KIF13A: variants seen among roughly 807,000 people sequenced by gnomAD.
KIF13A encodes the protein kinesin family member 13A.
KIF13A carries 79 observed loss-of-function variants against 212.2 expected under a neutral mutation model. That is an observed-to-expected ratio of 0.37 (90% confidence interval 0.31 to 0.45). The LOEUF (loss-of-function observed/expected upper bound fraction) is 0.45. Ranked by LOEUF, KIF13A falls within the 20% of genes least tolerant of loss-of-function variation. KIF13A has a pLI of 1.00. For synonymous variants in KIF13A, 789 were observed against 808.6 expected, an observed-to-expected ratio of 0.98 and a Z score of 0.41; for missense variants, 1,901 against 2,209.0, an observed-to-expected ratio of 0.86 and a Z score of 2.79.
At position 17,872,246 on chromosome 6, in the gene KIF13A, A is replaced by G. The variant is rs1770081300; in HGVS notation, c.220+1131T>C. 6.6e-6 allele frequency among the ~76,000 whole-genome samples: 1 copy of G among 152,224 alleles called. No individual in the cohort carries two copies. Among genetic ancestry groups the G allele is most frequent in the African/African-American group, 2.4e-5 (1 of 41,456 alleles). Reference sequence around the variant, plus strand: ...ATGGCAAGGAAAAACCTATCAATAAACAAAACATTAATTTTCTTTAAACTA... The same window carrying G: ...ATGGCAAGGAAAAACCTATCAATAAGCAAAACATTAATTTTCTTTAAACTA... On this transcript the variant is annotated intron_variant, in intron 4 of 38. Transcript: ENST00000259711. This position sits in a 1 kb window ranked among gnomAD's most constrained non-coding sequence, Gnocchi z 4.7.
chr6:17,770,157 T>C lies in KIF13A; in HGVS notation c.4581+957A>G, dbSNP rs1307592455. On this transcript the variant is annotated intron_variant, in intron 38 of 38. Transcript: ENST00000259711. ...AAAGGATCCCACACTAATGAGGGAATTGGGAATGGGTCTGACATGGTGTCG... is the reference window on the plus strand; with the variant it reads ...AAAGGATCCCACACTAATGAGGGAACTGGGAATGGGTCTGACATGGTGTCG... 3.3e-5 allele frequency among the ~76,000 whole-genome samples: 5 copies of C among 152,010 alleles called. 1 individual carries two copies. The highest frequency in any genetic ancestry group is 5.9e-5 in the Non-Finnish European group (4 of 68,010).
In KIF13A at chr6:17,978,954, C is replaced by T. The variant is rs181384126; in HGVS notation, c.146+8100G>A. Among the ~76,000 whole-genome samples the T allele has an allele frequency of 1.1e-4, 17 of 152,106 alleles. No individual in the cohort carries two copies. In the East Asian group the frequency reaches 3.3e-3, roughly 29 times the overall value. ...GCATACACCTTTTTAAATGTTACAC[C>T]AAATAACTTTAACAGTGATGCAAAA... On this transcript the variant is annotated intron_variant, in intron 2 of 38. Transcript: ENST00000259711.
Position 17,934,556 on chromosome 6 carries a change from G to C in KIF13A, c.147-36376C>G, listed in dbSNP as rs1378841171. Among the ~76,000 whole-genome samples, 1 of 152,196 alleles carries C rather than the reference G, an allele frequency of 6.6e-6. No individual in the cohort carries two copies. The highest frequency in any genetic ancestry group is 1.5e-5 in the Non-Finnish European group (1 of 68,020). On this transcript the variant is annotated intron_variant, in intron 2 of 38. Coordinates refer to ENST00000259711, the MANE Select transcript of KIF13A (RefSeq NM_022113.6). This position sits in a 1 kb window ranked among gnomAD's most constrained non-coding sequence, Gnocchi z 5.4. Reference sequence around the variant, plus strand: ...AATCCCAAAACTCTGGGAGACAGAGGCAGAGAGGATCACTTGAGCCCAGAA... The same window carrying C: ...AATCCCAAAACTCTGGGAGACAGAGCCAGAGAGGATCACTTGAGCCCAGAA...
At chr6:17,848,101 C>T (rs1280198840) in intron 9 of KIF13A, among the ~76,000 whole-genome samples, 1 of 152,152 alleles carries the variant, frequency 6.6e-6, no homozygotes, top group Non-Finnish European at 1.5e-5. Flanking sequence ...CGTGAGCCAC[C>T]GTGCCTGGCT....
At chr6:17,801,196 G>GT (rs1762445388) in intron 20 of KIF13A, among the ~76,000 whole-genome samples, 1 of 151,386 alleles carries the variant, frequency 6.6e-6, no homozygotes. Flanking sequence ...AGACAGAGAA[G>GT]TAACTCACTA....
chr6:17,903,653 G>A (rs1268864599), intron 2 of KIF13A, among the ~76,000 whole-genome samples: 1 of 152,182 alleles, frequency 6.6e-6, no homozygotes, highest in Non-Finnish European at 1.5e-5. Context: ...ATGGGGATGT[G>A]GTGGTCAAGA....
intron 6 of KIF13A, among the ~76,000 whole-genome samples, chr6:17,852,592 A>G (rs1436187907): frequency 4.6e-5 from 7 of 151,958 alleles, no homozygotes; most frequent in Admixed American, 4.6e-4. Flanking sequence ...TAGTTTTTAT[A>G]TTTTTTGTAG....
In KIF13A at chr6:17,799,880, A is replaced by T. The variant is rs1480136082; in HGVS notation, c.2616+72T>A. 6.5e-7 allele frequency: 1 copy of T among 1,538,982 alleles called. No homozygotes were observed. The highest frequency in any genetic ancestry group is 2.3e-5 in the East Asian group (1 of 44,418). ...TTACTACCCTGGATGAAAAACTCTC[A>T]TAAGATTTTTTGTAAAATGGTTTTG... On this transcript the variant is annotated intron_variant, in intron 21 of 38. Transcript: ENST00000259711. The surrounding 1 kb of genome is among the most constrained non-coding windows in gnomAD (Gnocchi z 4.4).
intron 16 of KIF13A, among the ~76,000 whole-genome samples, chr6:17,818,086 G>A (rs1420671976): frequency 6.6e-6 from 1 of 152,232 alleles, no homozygotes; most frequent in African/African-American, 2.4e-5. Context: ...ATCACTAAGT[G>A]AGGACAGTGT....
intron 16 of KIF13A, chr6:17,821,808 G>A (rs777738914): frequency 2.5e-5 from 38 of 1,535,206 alleles, no homozygotes; most frequent in Non-Finnish European, 3.1e-5. Context: ...GTTTGTGGAG[G>A]AGCTTCGTCT....
chr6:17,806,308 T>C (rs1762944026), intron 18 of KIF13A, among the ~76,000 whole-genome samples: 1 of 152,174 alleles, frequency 6.6e-6, no homozygotes, highest in Non-Finnish European at 1.5e-5. Flanking sequence ...GTAATTATTC[T>C]ATTGTTTGAC....
At chr6:17,841,319 C>T (rs1011885993) in intron 9 of KIF13A, among the ~76,000 whole-genome samples, 11 of 152,202 alleles carry the variant, frequency 7.2e-5, no homozygotes, top group African/African-American at 2.7e-4. Flanking sequence ...CCTGCCTTGG[C>T]CTCCCAAAGT....
At position 17,773,476 on chromosome 6, in the gene KIF13A, A is replaced by ACCT; in HGVS notation, c.4323_4324+1dup. The ACCT allele has an allele frequency of 6.5e-7, 1 of 1,534,876 alleles. No individual in the cohort carries two copies. Among genetic ancestry groups the ACCT allele is most frequent in the Non-Finnish European group, 9.0e-7 (1 of 1,109,574 alleles). Reference sequence around the variant, plus strand: ...ATCACTGCAAAATAATCTCACCACTACCTTCTTTATTCCTTCGAGGAGAAT... The same window carrying ACCT: ...ATCACTGCAAAATAATCTCACCACTACCTCCTTCTTTATTCCTTCGAGGAGAAT... On this transcript the variant is annotated splice_donor_variant, in intron 36 of 38. Transcript: ENST00000259711. LOFTEE classifies it high-confidence loss of function. This position sits in a 1 kb window ranked among gnomAD's most constrained non-coding sequence, Gnocchi z 4.2.
At position 17,855,804 on chromosome 6, in the gene KIF13A, C is replaced by T. The variant is rs1313895517; in HGVS notation, c.314-187G>A. On this transcript the variant is annotated intron_variant, in intron 5 of 38. Coordinates refer to ENST00000259711, the MANE Select transcript of KIF13A (RefSeq NM_022113.6). The surrounding 1 kb of genome is among the most constrained non-coding windows in gnomAD (Gnocchi z 4.1). The stretch of plus-strand genomic sequence containing the variant: ...TCATGGCTCACTACAGTCTCAAACT[C>T]CTGGGCTCAAGCCATCCTCCCACCT... 6.6e-6 allele frequency among the ~76,000 whole-genome samples: 1 copy of T among 152,198 alleles called. No individual in the cohort carries two copies.
chr6:17,770,812 A>G, intron 38 of KIF13A: 1 of 968,846 alleles, frequency 1.0e-6, no homozygotes, highest in Non-Finnish European at 1.3e-6. Context: ...TAGGCACATT[A>G]GAAAGATTTT....
At chr6:17,808,996 G>T in intron 17 of KIF13A, 66 bp from the exon 18 acceptor site, 1 of 1,393,482 alleles carries the variant, frequency 7.2e-7, no homozygotes. Flanking sequence ...TTCTAAGTGA[G>T]CATCTTATTA....
At position 17,849,251 on chromosome 6, in the gene KIF13A, A is replaced by G; in HGVS notation, c.830+126T>C. On this transcript the variant is annotated intron_variant, in intron 9 of 38. Transcript: ENST00000259711. This position sits in a 1 kb window ranked among gnomAD's most constrained non-coding sequence, Gnocchi z 5.7. Reference sequence around the variant, plus strand: ...ACACAGGTTGTTGTTGTTTTTCTTCAGCCCAGTTTACTAAAGCTATACAGA... The same window carrying G: ...ACACAGGTTGTTGTTGTTTTTCTTCGGCCCAGTTTACTAAAGCTATACAGA... 2 of 636,294 alleles carry G rather than the reference A, an allele frequency of 3.1e-6. No homozygotes were observed. Among genetic ancestry groups the G allele is most frequent in the Non-Finnish European group, 5.4e-6 (2 of 371,418 alleles). The allele number at this position is 636,294 out of a possible 1,614,324, so 39.4% of individuals were successfully genotyped here.
intron 16 of KIF13A, among the ~76,000 whole-genome samples, chr6:17,817,572 C>A (rs1201384529): frequency 6.6e-6 from 1 of 152,214 alleles, no homozygotes; most frequent in Non-Finnish European, 1.5e-5. Context: ...GGAAGAAAAA[C>A]TTCACGAAAT....
Position 17,871,138 on chromosome 6 carries a change from T to A in KIF13A, c.220+2239A>T, listed in dbSNP as rs1463981819. 6.6e-6 allele frequency among the ~76,000 whole-genome samples: 1 copy of A among 152,136 alleles called. No individual in the cohort carries two copies. The highest frequency in any genetic ancestry group is 1.5e-5 in the Non-Finnish European group (1 of 68,036). The stretch of plus-strand genomic sequence containing the variant: ...CTTTGACTAAACTCTAAACAACTCA[T>A]ATGTTGACAAGTAATAATCATATAT... On this transcript the variant is annotated intron_variant, in intron 4 of 38. Transcript: ENST00000259711. This position sits in a 1 kb window ranked among gnomAD's most constrained non-coding sequence, Gnocchi z 4.4.
Sources: allele counts gnomAD v4.1 joint callset (sites outside exome capture counted in the v4.1 genomes callset), GRCh38; gene constraint gnomAD v4.1.1; non-coding constraint Gnocchi (gnomAD v3.1); transcripts MANE v1.5; gene names NCBI Gene and HGNC (gene_info 2026-07-23, HGNC 2026-07-21).